The following INSR variants were observed in gnomAD, a reference collection of about 807,000 sequenced individuals.
The protein encoded by INSR is insulin receptor, also known as IR.
INSR carries 67 observed loss-of-function variants against 142.6 expected under a neutral mutation model. The observed-to-expected ratio is 0.47, with a 90% CI of 0.39 to 0.58. INSR has a LOEUF of 0.58. Among genes scored for constraint, INSR ranks in the 20% least tolerant of loss-of-function variants. The pLI is 0.00. For synonymous variants in INSR, 756 were observed against 743.1 expected, an observed-to-expected ratio of 1.02 and a Z score of -0.28; for missense variants, 1,248 against 1,833.2, an observed-to-expected ratio of 0.68 and a Z score of 5.83.
chr19:7,215,518 G>A (rs118150730), intron 2 of INSR, among the ~76,000 whole-genome samples: 5,674 of 151,510 alleles, frequency 0.037, 139 homozygotes, highest in Middle Eastern at 0.099. Context: ...GCTTGGAAAC[G>A]CCAGCAGCCC....
At position 7,191,229 on chromosome 19, in the gene INSR, G is replaced by A. The variant is rs571425298; in HGVS notation, c.653-6592C>T. Reference sequence around the variant, plus strand: ...GCAGAATTGCTTGAACCCGGGAGGCGGGGGTTGCAGTGAGCCGAGATTGTG... The same window carrying A: ...GCAGAATTGCTTGAACCCGGGAGGCAGGGGTTGCAGTGAGCCGAGATTGTG... On this transcript the variant is annotated intron_variant, in intron 2 of 21. Coordinates refer to ENST00000302850, the MANE Select transcript of INSR (RefSeq NM_000208.4). 1.8e-4 allele frequency among the ~76,000 whole-genome samples: 27 copies of A among 152,100 alleles called. No homozygotes were observed. The South Asian group carries it at 3.5e-3, about 20-fold the overall frequency.
intron 1 of INSR, among the ~76,000 whole-genome samples, chr19:7,271,862 T>C (rs1243629732): frequency 6.6e-6 from 1 of 151,954 alleles, no homozygotes; most frequent in African/African-American, 2.4e-5. Context: ...TTTAAAACAT[T>C]AGCTAGGAAT....
chr19:7,205,715 G>A (rs1339433963), intron 2 of INSR, among the ~76,000 whole-genome samples: 8 of 152,034 alleles, frequency 5.3e-5, no homozygotes, highest in Non-Finnish European at 8.8e-5. Flanking sequence ...CACCCCCCAC[G>A]CCCATCTCTA....
At chr19:7,211,193 T>C (rs1490325264) in intron 2 of INSR, among the ~76,000 whole-genome samples, 1 of 151,994 alleles carries the variant, frequency 6.6e-6, no homozygotes, top group Non-Finnish European at 1.5e-5. Context: ...CAGCCTCCCA[T>C]GTAGCTGCGA....
rs1975766581 is a variant in INSR, at chr19:7,225,961, C to G, written c.653-41324G>C. 6.6e-6 allele frequency among the ~76,000 whole-genome samples: 1 copy of G among 152,162 alleles called. No individual in the cohort carries two copies. Among genetic ancestry groups the G allele is most frequent in the Non-Finnish European group, 1.5e-5 (1 of 68,032 alleles). ...CAATCCAGCCCCAGTATCCGCAGGC[C>G]CCAGGTGGAGAAACCCCGTCCCGGA... On this transcript the variant is annotated intron_variant, in intron 2 of 21. Transcript: ENST00000302850. The surrounding 1 kb of genome is among the most constrained non-coding windows in gnomAD (Gnocchi z 4.7).
At chr19:7,252,890 C>T (rs555909413) in intron 2 of INSR, among the ~76,000 whole-genome samples, 2 of 151,518 alleles carry the variant, frequency 1.3e-5, no homozygotes, top group African/African-American at 4.9e-5. Flanking sequence ...CCAAGGCGGG[C>T]AGATCACAAG....
At chr19:7,132,684 C>T (rs568203147) in intron 13 of INSR, among the ~76,000 whole-genome samples, 3 of 151,582 alleles carry the variant, frequency 2.0e-5, no homozygotes, top group South Asian at 2.1e-4. Context: ...CTCTGCCTCC[C>T]GGGTTCAAGT....
At chr19:7,137,805 A>C (rs1972971581) in intron 13 of INSR, among the ~76,000 whole-genome samples, 1 of 145,160 alleles carries the variant, frequency 6.9e-6, no homozygotes, top group African/African-American at 2.7e-5. Flanking sequence ...TCTCAAAAAA[A>C]AAAAAAAAAA....
intron 3 of INSR, among the ~76,000 whole-genome samples, chr19:7,175,544 T>C (rs1358965565): frequency 2.6e-5 from 4 of 151,978 alleles, no homozygotes; most frequent in African/African-American, 9.7e-5. Context: ...CAATTAAAAA[T>C]GTCCTCCAGG....
intron 2 of INSR, among the ~76,000 whole-genome samples, chr19:7,198,302 G>A (rs952668061): frequency 3.3e-5 from 5 of 151,784 alleles, no homozygotes; most frequent in African/African-American, 1.2e-4. Context: ...CCAGACTGGC[G>A]CTCGGGCAGT....
At position 7,122,975 on chromosome 19, in the gene INSR, T is replaced by C; in HGVS notation, c.3273A>G (p.Gly1091=). The part of the protein sequence containing the change: ...FTCHHVVRLL[G]VVSKGQPTLV... ...GCGTGGGCTGGCCCTTGGACACCAC[T>C]CCCAGGAGGCGCACCTGCAGAGCAA... Residue 1091 remains glycine (G), a synonymous_variant, in exon 18 of 22, where the codon GGA becomes GGG. Transcript: ENST00000302850. 6.2e-7 allele frequency: 1 copy of C among 1,604,014 alleles called. No homozygotes were observed. The highest frequency in any genetic ancestry group is 8.5e-7 in the Non-Finnish European group (1 of 1,176,484).
rs991291717 is a variant in INSR at position 7,172,156 on chromosome 19, C to T, written c.1268+134G>A. ...TGAACTCCCCGCCTCAAGTGATTCACCCACGTTGGCCTCCTAAAATGCTGG... is the reference window on the plus strand; with the variant it reads ...TGAACTCCCCGCCTCAAGTGATTCATCCACGTTGGCCTCCTAAAATGCTGG... On this transcript the variant is annotated intron_variant, in intron 5 of 21. Coordinates refer to ENST00000302850, the MANE Select transcript of INSR (RefSeq NM_000208.4). 4.7e-5 allele frequency: 41 copies of T among 866,302 alleles called. No individual in the cohort carries two copies. In the Admixed American group the frequency reaches 7.2e-4, roughly 15 times the overall value. The allele number at this position is 866,302 out of a possible 1,614,324, so 53.7% of individuals were successfully genotyped here. A position where few individuals can be genotyped will look rare whatever the true frequency, so the allele number is the denominator to read the frequency against.
chr19:7,229,332 A>ATGGATGGATGGATAGATGGATG (rs1568204425), intron 2 of INSR, among the ~76,000 whole-genome samples: 2 of 81,902 alleles, frequency 2.4e-5, no homozygotes, highest in African/African-American at 4.4e-5. Flanking sequence ...ATGGATGGAT[A>ATGGATGGATGGATAGATGGATG]GATGGATGGA....
intron 13 of INSR, among the ~76,000 whole-genome samples, chr19:7,135,304 C>CTT (rs34080394): frequency 0.023 from 1,393 of 60,012 alleles, 252 homozygotes; most frequent in East Asian, 0.029. Flanking sequence ...AATGCATCTT[C>CTT]TTTTTTTTTT....
chr19:7,130,545 AGT>A (rs1972750599), intron 14 of INSR, among the ~76,000 whole-genome samples: 1 of 152,168 alleles, frequency 6.6e-6, no homozygotes, highest in South Asian at 2.1e-4. Context: ...CTGTATAATA[AGT>A]GGGTTCTCAT....
chr19:7,191,039 G>A (rs1051902224), intron 2 of INSR, among the ~76,000 whole-genome samples: 1 of 152,142 alleles, frequency 6.6e-6, no homozygotes, highest in African/African-American at 2.4e-5. Flanking sequence ...GCTCACGCCT[G>A]TAATCCCAGC....
intron 2 of INSR, among the ~76,000 whole-genome samples, chr19:7,212,696 C>T (rs56266011): frequency 0.27 from 41,695 of 151,894 alleles, 5,991 homozygotes; most frequent in African/African-American, 0.34. Context: ...AGCGATTCTC[C>T]TGCCTCAGCC....
chr19:7,152,784 C>T lies in INSR; in HGVS notation c.2173G>A (p.Glu725Lys). ...TDSQILKELE[E>K]SSFRKTFEDY... is the part of the protein sequence containing the mutation. ...TCAAACGTCTTCCTAAACGAGGACTCCTCCAGCTCCTTCAGGATCTGAGAG... is the reference window on the plus strand; with the variant it reads ...TCAAACGTCTTCCTAAACGAGGACTTCTCCAGCTCCTTCAGGATCTGAGAG... The change falls in exon 10 of 22, where the codon GAG (glutamate) becomes AAG (lysine). Residue 725 changes from glutamate to lysine, a missense_variant. By Grantham distance (56) the Glu-to-Lys change is moderately conservative. Coordinates refer to ENST00000302850, the MANE Select transcript of INSR (RefSeq NM_000208.4). 1 of 1,613,430 alleles carries T rather than the reference C, an allele frequency of 6.2e-7. No individual in the cohort carries two copies. The highest frequency in any genetic ancestry group is 8.5e-7 in the Non-Finnish European group (1 of 1,179,964).
At chr19:7,237,782 C>A (rs1976208283) in intron 2 of INSR, among the ~76,000 whole-genome samples, 1 of 151,816 alleles carries the variant, frequency 6.6e-6, no homozygotes, top group Admixed American at 6.6e-5. Context: ...CGCCACTGGA[C>A]TCCAGCCTGG....
Sources: allele counts gnomAD v4.1 joint callset (sites outside exome capture counted in the v4.1 genomes callset), GRCh38; gene constraint gnomAD v4.1.1; non-coding constraint Gnocchi (gnomAD v3.1); transcripts MANE v1.5; gene names NCBI Gene and HGNC (gene_info 2026-07-23, HGNC 2026-07-21).